Variants in PPM1A observed in about 807,000 individuals in gnomAD.
PPM1A encodes the protein protein phosphatase, Mg2+/Mn2+ dependent 1A.
In PPM1A, 7 loss-of-function variants were observed where a neutral mutation model predicts 35.0. That is an observed-to-expected ratio of 0.20 (90% CI 0.11 to 0.38). PPM1A has a LOEUF of 0.38. Ranked by LOEUF, PPM1A falls within the 10% of genes least tolerant of loss-of-function variation. PPM1A has a pLI of 1.00. For missense variants in PPM1A, 239 were observed against 467.8 expected (o/e 0.51, Z 4.51); for synonymous variants, 153 against 167.3 (o/e 0.91, Z 0.66).
At chr14:60,278,167 C>G (rs963896567) in intron 1 of PPM1A, among the ~76,000 whole-genome samples, 1 of 152,134 alleles carries the variant, frequency 6.6e-6, no homozygotes, top group Non-Finnish European at 1.5e-5. Context: ...TACCTGTTAT[C>G]TCATGTAGTT....
chr14:60,245,831 G>A (rs759369990), upstream of PPM1A: 2 of 1,563,460 alleles, frequency 1.3e-6, no homozygotes, highest in South Asian at 2.4e-5. This position sits in a 1 kb window ranked among gnomAD's most constrained non-coding sequence, Gnocchi z 4.2. Flanking sequence ...ATTCATTTAG[G>A]GGCACTGTCT....
chr14:60,292,801 T>C lies in PPM1A; in HGVS notation c.*319T>C. The C allele has an allele frequency of 4.3e-6, 1 of 233,992 alleles. No individual in the cohort carries two copies. The highest frequency in any genetic ancestry group is 8.3e-6 in the Non-Finnish European group (1 of 120,552). 14.5% of individuals were successfully genotyped at this position (233,992 alleles called of 1,614,324 possible). On this transcript the variant is annotated 3_prime_UTR_variant, in exon 6 of 6. Coordinates refer to ENST00000395076, the MANE Select transcript of PPM1A (RefSeq NM_021003.5). This position sits in a 1 kb window ranked among gnomAD's most constrained non-coding sequence, Gnocchi z 4.2. ...CTTGTACAAAATGCTCATATTTAATTATGAACTGCTTTAAATCACTATCAA... is the reference window on the plus strand; with the variant it reads ...CTTGTACAAAATGCTCATATTTAATCATGAACTGCTTTAAATCACTATCAA...
At position 60,286,896 on chromosome 14, in the gene PPM1A, G is replaced by T. The variant is rs1195444319; in HGVS notation, c.952+1155G>T. Reference sequence around the variant, plus strand: ...AATTTGTCTCCTTACTGTTACCAAGGGTCTTGGAATTTTTATATTTTAAAT... The same window carrying T: ...AATTTGTCTCCTTACTGTTACCAAGTGTCTTGGAATTTTTATATTTTAAAT... On this transcript the variant is annotated intron_variant, in intron 3 of 5. Coordinates refer to ENST00000395076, the MANE Select transcript of PPM1A (RefSeq NM_021003.5). The T allele has an allele frequency of 4.1e-6, 4 of 965,452 alleles. No individual in the cohort carries two copies. In the East Asian group the frequency reaches 4.6e-4, roughly 111 times the overall value. 59.8% of individuals were successfully genotyped at this position (965,452 alleles called of 1,614,324 possible). A position where few individuals can be genotyped will look rare whatever the true frequency, so the allele number is the denominator to read the frequency against.
At chr14:60,275,837 G>C (rs1010541639) in intron 1 of PPM1A, among the ~76,000 whole-genome samples, 2 of 134,498 alleles carry the variant, frequency 1.5e-5, no homozygotes, top group African/African-American at 5.8e-5. Context: ...AATTTCCAAA[G>C]ATTAGCCTTT....
rs1181830102 is a variant in PPM1A at position 60,292,621 on chromosome 14, C to G, written c.*139C>G. ...TGAGAATGATTACATCAGAGAACTT[C>G]AGCAGTACAACAGCTAGCCCAGAAC... On this transcript the variant is annotated 3_prime_UTR_variant, in exon 6 of 6. Coordinates refer to ENST00000395076, the MANE Select transcript of PPM1A (RefSeq NM_021003.5). This position sits in a 1 kb window ranked among gnomAD's most constrained non-coding sequence, Gnocchi z 4.2. The G allele has an allele frequency of 1.7e-6, 1 of 577,542 alleles. No homozygotes were observed. The highest frequency in any genetic ancestry group is 2.9e-6 in the Non-Finnish European group (1 of 349,710). The allele number at this position is 577,542 out of a possible 1,614,324, so 35.8% of individuals were successfully genotyped here.
At chr14:60,261,470 A>G (rs979982005) in intron 1 of PPM1A, among the ~76,000 whole-genome samples, 4 of 152,076 alleles carry the variant, frequency 2.6e-5, no homozygotes, top group Non-Finnish European at 5.9e-5. Context: ...TCCTTAAGAT[A>G]TTTTCTTTCT....
chr14:60,280,354 G>T (rs1170938690), intron 1 of PPM1A, among the ~76,000 whole-genome samples: 1 of 152,130 alleles, frequency 6.6e-6, no homozygotes, highest in Non-Finnish European at 1.5e-5. Context: ...ATTCGGAAAG[G>T]TTCAGTAGTC....
Position 60,289,946 on chromosome 14 carries a change from A to G in PPM1A, c.1061+32A>G. The G allele has an allele frequency of 7.4e-7, 1 of 1,350,438 alleles. No homozygotes were observed. The highest frequency in any genetic ancestry group is 1.0e-6 in the Non-Finnish European group (1 of 987,078). 83.7% of individuals were successfully genotyped at this position (1,350,438 alleles called of 1,614,324 possible). A position where few individuals can be genotyped will look rare whatever the true frequency, so the allele number is the denominator to read the frequency against. On this transcript the variant is annotated intron_variant, in intron 4 of 5. Transcript: ENST00000395076. The surrounding 1 kb of genome is among the most constrained non-coding windows in gnomAD (Gnocchi z 4.1). ...TACATTCTGTACACTCTTATGCTTT[A>G]TGTCAGTGTATGAAAATGTTAGGTA...
Position 60,249,409 on chromosome 14 carries a change from C to A in PPM1A, c.-289C>A. The A allele has an allele frequency of 1.0e-6, 1 of 984,830 alleles. No individual in the cohort carries two copies. The highest frequency in any genetic ancestry group is 4.7e-5 in the South Asian group (1 of 21,328). The allele number at this position is 984,830 out of a possible 1,614,324, so 61.0% of individuals were successfully genotyped here. On this transcript the variant is annotated 5_prime_UTR_variant, in exon 1 of 6. Coordinates refer to ENST00000395076, the MANE Select transcript of PPM1A (RefSeq NM_021003.5). The surrounding 1 kb of genome is among the most constrained non-coding windows in gnomAD (Gnocchi z 4.5). ...CTGAGGCGCGAAAGCGATGAGTCCT[C>A]GGCTCTTCCTCCTCCTTCTCCGGGA... is the stretch of plus-strand genomic sequence containing the variant.
At chr14:60,272,690 C>CAAAAAAAAA (rs34892158) in intron 1 of PPM1A, among the ~76,000 whole-genome samples, 2 of 68,590 alleles carry the variant, frequency 2.9e-5, no homozygotes, top group Non-Finnish European at 5.6e-5. Flanking sequence ...GACTCTGTCT[C>CAAAAAAAAA]AAAAAAAAAA....
chr14:60,256,231 C>T (rs1469694141), intron 1 of PPM1A, among the ~76,000 whole-genome samples: 1 of 152,092 alleles, frequency 6.6e-6, no homozygotes, highest in African/African-American at 2.4e-5. Context: ...CCATCCTGGC[C>T]AACATGGTGA....
At chr14:60,280,292 C>T (rs1886254629) in intron 1 of PPM1A, among the ~76,000 whole-genome samples, 1 of 152,210 alleles carries the variant, frequency 6.6e-6, no homozygotes, top group Non-Finnish European at 1.5e-5. Context: ...GCGTGAGCCA[C>T]CACACCTGGC....
At chr14:60,275,218 TAA>T (rs1362214688) in intron 1 of PPM1A, among the ~76,000 whole-genome samples, 1 of 151,408 alleles carries the variant, frequency 6.6e-6, no homozygotes, top group Non-Finnish European at 1.5e-5. Flanking sequence ...ATGTTGTCTT[TAA>T]AAAGCCTACA....
At chr14:60,251,669 T>C (rs939713886) in intron 1 of PPM1A, among the ~76,000 whole-genome samples, 1 of 152,244 alleles carries the variant, frequency 6.6e-6, no homozygotes, top group African/African-American at 2.4e-5. Context: ...AATAAATGCC[T>C]GTTATGTGTC....
chr14:60,285,481 C>CGTGT (rs1886913509), intron 2 of PPM1A, 143 bp from the exon 3 acceptor site: 5 of 823,186 alleles, frequency 6.1e-6, no homozygotes, highest in Non-Finnish European at 9.5e-6. Flanking sequence ...CGCACGCATG[C>CGTGT]GTGCACATAT....
chr14:60,249,821 G>A lies in PPM1A; in HGVS notation c.-21+144G>A. On this transcript the variant is annotated intron_variant, in intron 1 of 5. Coordinates refer to ENST00000395076, the MANE Select transcript of PPM1A (RefSeq NM_021003.5). The surrounding 1 kb of genome is among the most constrained non-coding windows in gnomAD (Gnocchi z 4.5). ...AGGAGACGCGACAACTCCACCCCCT[G>A]GCCGGCCTCCTCCCCCGAGCCGGGC... The A allele has an allele frequency of 2.9e-6, 1 of 340,472 alleles. No homozygotes were observed. Among genetic ancestry groups the A allele is most frequent in the Non-Finnish European group, 4.2e-6 (1 of 240,382 alleles). 21.1% of individuals were successfully genotyped at this position (340,472 alleles called of 1,614,324 possible). A position where few individuals can be genotyped will look rare whatever the true frequency, so the allele number is the denominator to read the frequency against.
chr14:60,263,715 G>A (rs1884041634), intron 1 of PPM1A, among the ~76,000 whole-genome samples: 1 of 151,982 alleles, frequency 6.6e-6, no homozygotes, highest in Non-Finnish European at 1.5e-5. Context: ...TTCTTGGTCT[G>A]CCTGATAATT....
intron 1 of PPM1A, among the ~76,000 whole-genome samples, chr14:60,257,877 CT>C (rs1359555954): frequency 2.0e-5 from 3 of 152,130 alleles, no homozygotes; most frequent in Non-Finnish European, 1.5e-5. Flanking sequence ...AGAAAAACAT[CT>C]TTGCAGTATG....
intron 1 of PPM1A, among the ~76,000 whole-genome samples, chr14:60,262,507 T>C (rs1284450921): frequency 6.6e-6 from 1 of 152,072 alleles, no homozygotes; most frequent in Non-Finnish European, 1.5e-5. Context: ...AACACAGTGA[T>C]ACCTTGTCTC....
Sources: gnomAD v4.1 joint callset for allele counts (sites outside exome capture counted in the v4.1 genomes callset) on GRCh38, gnomAD v4.1.1 for gene constraint, Gnocchi (gnomAD v3.1) non-coding constraint, MANE v1.5 for transcripts, NCBI Gene and HGNC (gene_info 2026-07-23, HGNC 2026-07-21) for gene names.